Variants in STARD9 observed in about 807,000 individuals in gnomAD.
The protein encoded by STARD9 is stAR-related lipid transfer protein 9.
In STARD9, 346 loss-of-function variants were observed where a neutral mutation model predicts 399.8. The ratio of observed to expected loss-of-function variants is 0.87; its 90% CI spans 0.79 to 0.95. The LOEUF (loss-of-function observed/expected upper bound fraction) is 0.95, where lower values mean the gene tolerates loss of function less well. Ranked by LOEUF, STARD9 falls within the 40% of genes least tolerant of loss-of-function variation. STARD9 has a pLI of 0.00. For missense variants in STARD9, 5,832 were observed against 5,667.5 expected, an observed-to-expected ratio of 1.03 and a Z score of -0.93; for synonymous variants, 2,203 against 2,143.5, an observed-to-expected ratio of 1.03 and a Z score of -0.77.
chr15:42,687,919 C>T lies in STARD9; in HGVS notation c.6341C>T (p.Pro2114Leu), dbSNP rs1034489260. 6.5e-7 allele frequency: 1 copy of T among 1,537,186 alleles called. No homozygotes were observed. The highest frequency in any genetic ancestry group is 1.4e-5 in the African/African-American group (1 of 73,036). ...AACCCTTTGCCCTCTAAGGATCAGC[C>T]ATCTTCTCCAAGACAGACAGATGAT... Reference protein sequence around the residue: ...SGNPLPSKDQPSSPRQTDDTV... With the variant: ...SGNPLPSKDQLSSPRQTDDTV... Residue 2114 changes from proline (P) to leucine (L), a missense_variant, in exon 23 of 33, where the codon CCA becomes CTA. Around this residue, in one of 2 missense-constraint regions of STARD9, gnomAD observed 5,828 missense variants for 5,651.1 expected, o/e 1.03. Coordinates refer to ENST00000290607, the MANE Select transcript of STARD9 (RefSeq NM_020759.3).
chr15:42,577,282 C>T (rs181989685), intron 1 of STARD9, among the ~76,000 whole-genome samples: 1,990 of 152,082 alleles, frequency 0.013, 40 homozygotes, highest in African/African-American at 0.046. Context: ...GCCTCCCCAG[C>T]AGCTGGGACT....
chr15:42,696,846 A>T (rs551420701), intron 26 of STARD9, among the ~76,000 whole-genome samples: 1 of 152,184 alleles, frequency 6.6e-6, no homozygotes, highest in South Asian at 2.1e-4. Flanking sequence ...ATGACAAGGA[A>T]CACTGGAGGG....
rs1276458991 is a variant in STARD9, at chr15:42,717,768, T to G, written c.13532T>G (p.Phe4511Cys). Residue 4511 changes from phenylalanine (F) to cysteine (C), a missense_variant, in exon 29 of 33, where the codon TTC (phenylalanine) becomes TGC (cysteine). By Grantham distance (205) the Phe-to-Cys change is radical. Transcript: ENST00000290607. ...AACSDNLHNL[F>C]SCQATAGWNY... ...TGTTCGGATAATTTGCACAACCTCT[T>G]CAGCTGCCAGGCAACTGCTGGCTGG... The G allele has an allele frequency of 1.3e-6, 2 of 1,537,268 alleles. No individual in the cohort carries two copies. Among genetic ancestry groups the G allele is most frequent in the African/African-American group, 2.7e-5 (2 of 73,168 alleles).
intron 7 of STARD9, among the ~76,000 whole-genome samples, chr15:42,648,599 A>G (rs1398199654): frequency 6.6e-6 from 1 of 152,132 alleles, no homozygotes; most frequent in East Asian, 1.9e-4. Flanking sequence ...CTCCTAGTCT[A>G]ATTTTTTCAA....
chr15:42,613,019 T>G (rs2058886221), intron 3 of STARD9, among the ~76,000 whole-genome samples: 1 of 146,840 alleles, frequency 6.8e-6, no homozygotes, highest in African/African-American at 2.5e-5. Context: ...AAGAGCAACA[T>G]CTGTATAAAG....
chr15:42,711,095 A>G (rs1042502100), intron 26 of STARD9, among the ~76,000 whole-genome samples: 1 of 150,504 alleles, frequency 6.6e-6, no homozygotes, highest in Non-Finnish European at 1.5e-5. Flanking sequence ...CTCCCGCCTC[A>G]GCCTCTCAAA....
At chr15:42,698,386 A>G (rs773600617) in intron 26 of STARD9, among the ~76,000 whole-genome samples, 4 of 152,208 alleles carry the variant, frequency 2.6e-5, no homozygotes, top group Non-Finnish European at 5.9e-5. Context: ...CACTCTCACC[A>G]ACATGTTATC....
Position 42,692,267 on chromosome 15 carries a change from A to AGTGCCTTAGGAG in STARD9, c.10689_10690insGTGCCTTAGGAG (p.Ser3563_Ile3564insValProTer). 9 of 1,537,034 alleles carry AGTGCCTTAGGAG rather than the reference A, an allele frequency of 5.9e-6. No homozygotes were observed. The highest frequency in any genetic ancestry group is 7.8e-6 in the Non-Finnish European group (9 of 1,146,886). ...GGGAAGTATTCCGAGGGAGTTCTTCAATTGCCTTAGGAGACCCCCACATCC... is the reference window on the plus strand; with the variant it reads ...GGGAAGTATTCCGAGGGAGTTCTTCAGTGCCTTAGGAGATTGCCTTAGGAGACCCCCACATCC... On this transcript the variant is annotated stop_gained and inframe_insertion, in exon 23 of 33. Transcript: ENST00000290607. LOFTEE classifies it high-confidence loss of function.
chr15:42,685,649 A>G lies in STARD9; in HGVS notation c.4071A>G (p.Leu1357=). 6.5e-7 allele frequency: 1 copy of G among 1,537,222 alleles called. No homozygotes were observed. The highest frequency in any genetic ancestry group is 8.7e-7 in the Non-Finnish European group (1 of 1,146,922). The change falls in exon 23 of 33, where the codon TTA becomes TTG. Residue 1357 remains leucine, a synonymous_variant. Transcript: ENST00000290607. ...PSSPPGIVGS[L]CPSPDMQEFH... ...GCCCCCCAGGAATAGTGGGTTCTTT[A>G]TGTCCAAGTCCTGATATGCAGGAAT...
At chr15:42,639,942 C>G (rs2059500867) in intron 7 of STARD9, among the ~76,000 whole-genome samples, 1 of 151,600 alleles carries the variant, frequency 6.6e-6, no homozygotes, top group Non-Finnish European at 1.5e-5. Flanking sequence ...ATTTTTTTAG[C>G]CACAAGGTCT....
At chr15:42,588,697 A>G (rs1046639899) in intron 3 of STARD9, among the ~76,000 whole-genome samples, 6 of 150,350 alleles carry the variant, frequency 4.0e-5, no homozygotes, top group African/African-American at 1.5e-4. Context: ...CGGACGGGTA[A>G]GAAAGGTGGA....
rs139461243 is a variant in STARD9, at chr15:42,688,533, C to T, written c.6955C>T (p.Arg2319Trp). 1.5e-4 allele frequency: 237 copies of T among 1,537,830 alleles called. No individual in the cohort carries two copies. Among genetic ancestry groups the T allele is most frequent in the African/African-American group, 9.0e-4 (66 of 73,150 alleles). The change falls in exon 23 of 33, where the codon CGG becomes TGG. Residue 2319 changes from arginine to tryptophan, a missense_variant. Transcript: ENST00000290607. ...RQETVSPLLS[R>W]TEFCTAPLHQ... ...GGAAACTGTCAGCCCATTACTAAGC[C>T]GGACAGAATTCTGTACAGCTCCTCT...
At chr15:42,599,256 T>C (rs946171814) in intron 3 of STARD9, among the ~76,000 whole-genome samples, 2 of 152,214 alleles carry the variant, frequency 1.3e-5, no homozygotes, top group Non-Finnish European at 2.9e-5. Flanking sequence ...CTGTTTTGTT[T>C]CCTCAACTGT....
chr15:42,676,492 G>A (rs1192496676), intron 20 of STARD9, among the ~76,000 whole-genome samples: 2 of 152,098 alleles, frequency 1.3e-5, no homozygotes, highest in Non-Finnish European at 2.9e-5. Context: ...GTGCATAGAG[G>A]GGCAGAAACT....
intron 3 of STARD9, among the ~76,000 whole-genome samples, chr15:42,586,298 A>T (rs1250885700): frequency 6.6e-6 from 1 of 152,204 alleles, no homozygotes; most frequent in Non-Finnish European, 1.5e-5. Flanking sequence ...GCCAGCCTGC[A>T]AGGTAGGTAG....
At chr15:42,592,071 T>G (rs2058407225) in intron 3 of STARD9, among the ~76,000 whole-genome samples, 2 of 152,092 alleles carry the variant, frequency 1.3e-5, no homozygotes, top group South Asian at 2.1e-4. Flanking sequence ...TTTAGCCTAC[T>G]AGTGATCTGA....
intron 26 of STARD9, among the ~76,000 whole-genome samples, chr15:42,705,500 C>G (rs1306319310): frequency 6.6e-6 from 1 of 152,064 alleles, no homozygotes; most frequent in Non-Finnish European, 1.5e-5. Flanking sequence ...GTGGCGCCAT[C>G]TTGACTCACT....
In STARD9 at chr15:42,694,285, G is replaced by A. The variant is rs547831481; in HGVS notation, c.12707G>A (p.Gly4236Glu). Residue 4236 changes from glycine to glutamate, a missense_variant, in exon 23 of 33, where the codon GGG becomes GAG. Gly to Glu is a moderately conservative substitution (Grantham distance 98). Around this residue, in one of 2 missense-constraint regions of STARD9, gnomAD observed 5,828 missense variants for 5,651.1 expected, o/e 1.03. Coordinates refer to ENST00000290607, the MANE Select transcript of STARD9 (RefSeq NM_020759.3). ...CTCCAGGTGCTGCAGAGTGGGACAG[G>A]GGAGGCGCTTGCTGCTGATGAACCT... is the stretch of plus-strand genomic sequence containing the variant. Reference protein sequence around the residue: ...ALLQVLQSGTGEALAADEPVT... With the variant: ...ALLQVLQSGTEEALAADEPVT... 139 of 1,519,680 alleles carry A rather than the reference G, an allele frequency of 9.1e-5. No homozygotes were observed. The highest frequency in any genetic ancestry group is 1.2e-4 in the Non-Finnish European group (136 of 1,137,776). The allele number at this position is 1,519,680 out of a possible 1,614,324, so 94.1% of individuals were successfully genotyped here.
At chr15:42,638,901 A>G in intron 7 of STARD9, 89 bp downstream of exon 7, 3 of 681,304 alleles carry the variant, frequency 4.4e-6, no homozygotes, top group East Asian at 5.7e-5. Flanking sequence ...CATAGGTGTA[A>G]TGAACACTTA....
Sources: allele counts gnomAD v4.1 joint callset (sites outside exome capture counted in the v4.1 genomes callset), GRCh38; gene constraint gnomAD v4.1.1; regional missense constraint gnomAD v4.1.1; transcripts MANE v1.5; gene names NCBI Gene and HGNC (gene_info 2026-07-23, HGNC 2026-07-21).